The following SNRPD3 variants were observed in gnomAD, a reference collection of about 807,000 sequenced individuals.
SNRPD3 encodes the protein small nuclear ribonucleoprotein D3 polypeptide, also known as small nuclear ribonucleoprotein Sm D3.
For missense variants in SNRPD3, 73 were observed against 167.5 expected, an observed-to-expected ratio of 0.44 and a Z score of 3.11; for synonymous variants, 66 against 58.4, an observed-to-expected ratio of 1.13 and a Z score of -0.59.
At chr22:24,568,926 C>A (rs1046118099) in intron 3 of SNRPD3, among the ~76,000 whole-genome samples, 4 of 152,140 alleles carry the variant, frequency 2.6e-5, no homozygotes, top group Non-Finnish European at 4.4e-5. Context: ...TCAGGCTGGT[C>A]TTGAAGTCCT....
Position 24,568,442 on chromosome 22 carries a change from A to G in SNRPD3, c.319+266A>G, listed in dbSNP as rs892384376. Among the ~76,000 whole-genome samples the G allele has an allele frequency of 1.6e-4, 24 of 152,164 alleles. 1 individual carries two copies. Among genetic ancestry groups the G allele is most frequent in the Non-Finnish European group, 3.1e-4 (21 of 68,024 alleles). ...CTGCAACCTCTGCCTCCCAGGTTCA[A>G]GCAATTCTCCTGCCTCAGCCTTTCA... On this transcript the variant is annotated intron_variant, in intron 3 of 3. Coordinates refer to ENST00000215829, the MANE Select transcript of SNRPD3 (RefSeq NM_004175.5).
chr22:24,560,715 C>CTTTTT (rs59348518), intron 2 of SNRPD3, among the ~76,000 whole-genome samples: 3 of 98,864 alleles, frequency 3.0e-5, no homozygotes, highest in African/African-American at 1.3e-4. Flanking sequence ...TGCACCTGGC[C>CTTTTT]TTTTTTTTTT....
intron 2 of SNRPD3, 94 bp from the exon 3 acceptor site, chr22:24,567,890 C>T: frequency 1.1e-6 from 1 of 905,334 alleles, no homozygotes; most frequent in Non-Finnish European, 1.7e-6. Context: ...CAATGTCAGT[C>T]TGCTTTTCTG....
chr22:24,562,038 GATAA>G (rs1357434760), intron 2 of SNRPD3, among the ~76,000 whole-genome samples: 1 of 151,868 alleles, frequency 6.6e-6, no homozygotes, highest in Non-Finnish European at 1.5e-5. Flanking sequence ...ATTCGGAAAA[GATAA>G]ATAGAGGATC....
chr22:24,555,914 C>A, upstream of SNRPD3: 1 of 1,366,466 alleles, frequency 7.3e-7, no homozygotes, highest in East Asian at 2.5e-5. Flanking sequence ...GAGGCGAGAC[C>A]GCGCTCAACA....
chr22:24,564,883 CATTTT>C (rs1432940088), intron 2 of SNRPD3, among the ~76,000 whole-genome samples: 6 of 127,162 alleles, frequency 4.7e-5, no homozygotes, highest in East Asian at 2.4e-4. Flanking sequence ...TTGCCTTGTT[CATTTT>C]TTTTTTTTTT....
chr22:24,565,555 C>A (rs2045189370), intron 2 of SNRPD3, among the ~76,000 whole-genome samples: 1 of 152,196 alleles, frequency 6.6e-6, no homozygotes, highest in African/African-American at 2.4e-5. Flanking sequence ...ACACTTCTGA[C>A]AAATGGCAGA....
Position 24,572,252 on chromosome 22 carries a change from A to T in SNRPD3, c.*275A>T. 1 of 622,530 alleles carries T rather than the reference A, an allele frequency of 1.6e-6. No homozygotes were observed. The highest frequency in any genetic ancestry group is 2.8e-6 in the Non-Finnish European group (1 of 353,820). The allele number at this position is 622,530 out of a possible 1,614,324, so 38.6% of individuals were successfully genotyped here. A position where few individuals can be genotyped will look rare whatever the true frequency, so the allele number is the denominator to read the frequency against. On this transcript the variant is annotated 3_prime_UTR_variant, in exon 4 of 4. Transcript: ENST00000215829. ...GAGAATGCCAGTACTTTGAAATAGC[A>T]CAGCTATTGATGAGATTTTAAGCTG...
At chr22:24,570,001 G>GAA (rs1418977853) in intron 3 of SNRPD3, among the ~76,000 whole-genome samples, 1 of 152,232 alleles carries the variant, frequency 6.6e-6, no homozygotes, top group Non-Finnish European at 1.5e-5. Context: ...GCCTTTTATG[G>GAA]AGACTTTATT....
At chr22:24,555,793 AG>A, upstream of SNRPD3, 1 of 1,549,306 alleles carries the variant, frequency 6.5e-7, no homozygotes, top group Non-Finnish European at 8.7e-7. Flanking sequence ...GCCGGCCCCA[AG>A]GGTCGTTGCG....
intron 3 of SNRPD3, among the ~76,000 whole-genome samples, 186 bp from the exon 4 acceptor site, chr22:24,571,730 T>C (rs2147132719): frequency 6.8e-6 from 1 of 146,022 alleles, no homozygotes; most frequent in African/African-American, 2.5e-5. Flanking sequence ...GGTGACAGAG[T>C]GGGACTCCGT....
In SNRPD3 at chr22:24,572,308, A is replaced by G. The variant is rs2045257018; in HGVS notation, c.*331A>G. 3.3e-6 allele frequency: 2 copies of G among 599,434 alleles called. No individual in the cohort carries two copies. Among genetic ancestry groups the G allele is most frequent in the Non-Finnish European group, 5.9e-6 (2 of 339,504 alleles). The allele number at this position is 599,434 out of a possible 1,614,324, so 37.1% of individuals were successfully genotyped here. A position where few individuals can be genotyped will look rare whatever the true frequency, so the allele number is the denominator to read the frequency against. On this transcript the variant is annotated 3_prime_UTR_variant, in exon 4 of 4. Transcript: ENST00000215829. ...CCTGGCCAGTTGCAGGTTAAGCCCC[A>G]GAAAAGTTCACCTTGGAGAAGCTCC...
At chr22:24,563,045 TTA>T (rs2045158679) in intron 2 of SNRPD3, among the ~76,000 whole-genome samples, 1 of 152,124 alleles carries the variant, frequency 6.6e-6, no homozygotes, top group South Asian at 2.1e-4. Flanking sequence ...AAGTATCCTG[TTA>T]TCTTAGCACT....
intron 3 of SNRPD3, 50 bp downstream of exon 3, chr22:24,568,226 T>A: frequency 6.8e-7 from 1 of 1,466,116 alleles, no homozygotes; most frequent in East Asian, 2.3e-5. Flanking sequence ...GTCTTGTGTC[T>A]TGTAGAAAGG....
At chr22:24,570,105 C>G (rs879310495) in intron 3 of SNRPD3, among the ~76,000 whole-genome samples, 1 of 152,226 alleles carries the variant, frequency 6.6e-6, no homozygotes, top group Non-Finnish European at 1.5e-5. Flanking sequence ...TGGGAAACCC[C>G]GCGAGGCCTG....
chr22:24,571,049 C>A lies in SNRPD3; in HGVS notation c.320-867C>A, dbSNP rs544908353. On this transcript the variant is annotated intron_variant, in intron 3 of 3. Coordinates refer to ENST00000215829, the MANE Select transcript of SNRPD3 (RefSeq NM_004175.5). The stretch of plus-strand genomic sequence containing the variant: ...GGCCAGTCTGGTCTCAAACTTATGA[C>A]CTCAAGTGATCTGCCTGCCTTGGAC... 2.0e-5 allele frequency among the ~76,000 whole-genome samples: 3 copies of A among 152,162 alleles called. No individual in the cohort carries two copies. The South Asian group carries it at 6.2e-4, about 32-fold the overall frequency.
chr22:24,563,212 G>A (rs1254946117), intron 2 of SNRPD3, among the ~76,000 whole-genome samples: 17 of 82,262 alleles, frequency 2.1e-4, no homozygotes, highest in African/African-American at 6.8e-4. Flanking sequence ...ATATATGTGT[G>A]TGTGTGTGTG....
At chr22:24,568,774 C>G (rs989277609) in intron 3 of SNRPD3, among the ~76,000 whole-genome samples, 1 of 152,140 alleles carries the variant, frequency 6.6e-6, no homozygotes, top group African/African-American at 2.4e-5. Context: ...CTAGGCTGGT[C>G]TTGAACTCAT....
chr22:24,565,031 G>GCAC (rs2147125583), intron 2 of SNRPD3, among the ~76,000 whole-genome samples: 1 of 151,834 alleles, frequency 6.6e-6, no homozygotes, highest in Admixed American at 6.6e-5. Flanking sequence ...CCACAGGCAT[G>GCAC]CACCACCACA....
Sources: gnomAD v4.1 joint callset for allele counts (sites outside exome capture counted in the v4.1 genomes callset) on GRCh38, gnomAD v4.1.1 for gene constraint, MANE v1.5 for transcripts, NCBI Gene and HGNC (gene_info 2026-07-23, HGNC 2026-07-21) for gene names.